The following SMYD3 variants were observed in gnomAD, a reference collection of about 807,000 sequenced individuals.
SMYD3 encodes histone-lysine N-methyltransferase SMYD3.
Under a neutral mutation model 57.7 loss-of-function variants are expected in SMYD3, and 36 were observed. The observed-to-expected ratio is 0.62, with a 90% CI of 0.48 to 0.82. The LOEUF (loss-of-function observed/expected upper bound fraction) is 0.82, where lower values mean the gene tolerates loss of function less well. Among genes scored for constraint, SMYD3 ranks in the 40% least tolerant of loss-of-function variants. The probability of loss-of-function intolerance (pLI) is 0.00; values close to 1 mark genes in which losing one functional copy is unlikely to be tolerated. For synonymous variants in SMYD3, 211 were observed against 195.0 expected, an observed-to-expected ratio of 1.08 and a Z score of -0.68; for missense variants, 515 against 538.8, an observed-to-expected ratio of 0.96 and a Z score of 0.44.
chr1:246,116,146 GAAAAAAAGA>G (rs2061339494), intron 5 of SMYD3, among the ~76,000 whole-genome samples: 1 of 104,116 alleles, frequency 9.6e-6, no homozygotes, highest in Non-Finnish European at 1.8e-5. Context: ...GTCTAAAAAA[GAAAAAAAGA>G]AAAAAAGAAT....
intron 1 of SMYD3, among the ~76,000 whole-genome samples, chr1:246,416,155 A>G (rs529435432): frequency 6.6e-6 from 1 of 152,342 alleles, no homozygotes; most frequent in African/African-American, 2.4e-5. Context: ...TGGGGTAAAT[A>G]GTTTTAGTTT....
intron 10 of SMYD3, among the ~76,000 whole-genome samples, chr1:245,802,310 T>C (rs113925415): frequency 5.3e-4 from 81 of 152,268 alleles, no homozygotes; most frequent in African/African-American, 1.6e-3. Context: ...TGTGAAGCCA[T>C]TGAAGTCTTC....
intron 5 of SMYD3, among the ~76,000 whole-genome samples, chr1:246,117,081 C>T (rs1156664057): frequency 2.0e-5 from 3 of 152,176 alleles, no homozygotes; most frequent in Non-Finnish European, 2.9e-5. Flanking sequence ...TACTGGAAAA[C>T]AAGCCCCACT....
At chr1:246,036,720 A>ATT (rs546300378) in intron 5 of SMYD3, among the ~76,000 whole-genome samples, 4 of 110,532 alleles carry the variant, frequency 3.6e-5, no homozygotes, top group African/African-American at 7.9e-5. Flanking sequence ...AGCCCGGCTA[A>ATT]TTTTTTTTTT....
chr1:245,915,923 C>A (rs2147777676), intron 7 of SMYD3, among the ~76,000 whole-genome samples: 1 of 152,052 alleles, frequency 6.6e-6, no homozygotes, highest in South Asian at 2.1e-4. Context: ...GTTTTTTTCA[C>A]TACAGGAAAA....
intron 5 of SMYD3, among the ~76,000 whole-genome samples, chr1:246,046,412 G>C (rs949194968): frequency 1.3e-5 from 2 of 151,954 alleles, no homozygotes; most frequent in African/African-American, 4.8e-5. Context: ...ACTCATAGGT[G>C]GGAATTGAAC....
chr1:246,427,519 C>A (rs201971978), intron 1 of SMYD3, among the ~76,000 whole-genome samples: 266 of 135,664 alleles, frequency 2.0e-3, no homozygotes, highest in Non-Finnish European at 2.6e-3. Context: ...GACTCCGTCT[C>A]AAAAAAAAAA....
At chr1:246,284,445 C>A (rs925715097) in intron 5 of SMYD3, among the ~76,000 whole-genome samples, 1 of 147,642 alleles carries the variant, frequency 6.8e-6, no homozygotes, top group Non-Finnish European at 1.5e-5. Flanking sequence ...GAGACGGAGT[C>A]TCACTCTTTC....
At chr1:246,436,320 T>C (rs2067373130) in intron 1 of SMYD3, among the ~76,000 whole-genome samples, 1 of 152,118 alleles carries the variant, frequency 6.6e-6, no homozygotes, top group Non-Finnish European at 1.5e-5. Flanking sequence ...CAAATTTCAA[T>C]CTCCAATAAT....
chr1:245,963,376 G>C (rs2058059804), intron 5 of SMYD3, among the ~76,000 whole-genome samples: 1 of 152,278 alleles, frequency 6.6e-6, no homozygotes, highest in South Asian at 2.1e-4. Flanking sequence ...ACAGAGCATT[G>C]CAACTTACTA....
intron 10 of SMYD3, among the ~76,000 whole-genome samples, chr1:245,772,184 T>C (rs1286916037): frequency 6.6e-6 from 1 of 152,196 alleles, no homozygotes; most frequent in Non-Finnish European, 1.5e-5. Flanking sequence ...CACTCCCCCA[T>C]CTCTATGTGA....
intron 5 of SMYD3, among the ~76,000 whole-genome samples, chr1:246,271,505 C>T (rs2064221582): frequency 6.6e-6 from 1 of 152,146 alleles, no homozygotes; most frequent in Non-Finnish European, 1.5e-5. Context: ...CAACTTCATT[C>T]TTTTGCATAT....
At chr1:245,805,985 C>G (rs2048126998) in intron 10 of SMYD3, among the ~76,000 whole-genome samples, 1 of 152,140 alleles carries the variant, frequency 6.6e-6, no homozygotes. Context: ...TCTTTCCTAC[C>G]CCATCATCTG....
At chr1:245,925,871 T>C (rs2056338850) in intron 7 of SMYD3, among the ~76,000 whole-genome samples, 2 of 152,326 alleles carry the variant, frequency 1.3e-5, no homozygotes, top group East Asian at 3.9e-4. Context: ...TCTTCTAATA[T>C]GGGAAATCAG....
At chr1:246,248,077 G>A (rs1353217509) in intron 5 of SMYD3, among the ~76,000 whole-genome samples, 2 of 152,298 alleles carry the variant, frequency 1.3e-5, no homozygotes, top group South Asian at 4.1e-4. Context: ...AACAGGCAGA[G>A]AGCATATCTC....
intron 5 of SMYD3, among the ~76,000 whole-genome samples, chr1:246,213,397 A>G (rs2063118675): frequency 1.3e-5 from 2 of 152,196 alleles, no homozygotes; most frequent in African/African-American, 4.8e-5. Context: ...AACTCCAGTG[A>G]GTTTTGAGTC....
At chr1:245,910,508 G>T (rs976163030) in intron 8 of SMYD3, among the ~76,000 whole-genome samples, 1 of 151,994 alleles carries the variant, frequency 6.6e-6, no homozygotes, top group Non-Finnish European at 1.5e-5. Flanking sequence ...GAGGCATCAC[G>T]TTACCTGACT....
intron 5 of SMYD3, among the ~76,000 whole-genome samples, chr1:246,071,137 T>C (rs1257624677): frequency 5.3e-5 from 8 of 152,118 alleles, no homozygotes; most frequent in Non-Finnish European, 1.2e-4. Context: ...GTAATAAACA[T>C]AGATATCTAA....
chr1:246,149,326 C>T (rs774773771), intron 5 of SMYD3, among the ~76,000 whole-genome samples: 1 of 152,190 alleles, frequency 6.6e-6, no homozygotes, highest in African/African-American at 2.4e-5. Flanking sequence ...ATTTAGGATT[C>T]CTGTCCCCAT....
Sources: gnomAD v4.1 joint callset for allele counts (sites outside exome capture counted in the v4.1 genomes callset) on GRCh38, gnomAD v4.1.1 for gene constraint, MANE v1.5 for transcripts, NCBI Gene and HGNC (gene_info 2026-07-23, HGNC 2026-07-21) for gene names.